Variants in TAFA1 observed in about 807,000 individuals in gnomAD.
The protein encoded by TAFA1 is chemokine-like protein TAFA-1.
Under a neutral mutation model 18.5 loss-of-function variants are expected in TAFA1, and 4 were observed. The observed-to-expected ratio is 0.22, with a 90% confidence interval of 0.11 to 0.49. The LOEUF is 0.49. Ranked by LOEUF, TAFA1 falls within the 20% of genes least tolerant of loss-of-function variation. The pLI, the probability that TAFA1 is intolerant of heterozygous loss-of-function variation, is 0.98. For synonymous variants in TAFA1, 56 were observed against 55.2 expected (o/e 1.01, Z -0.06); for missense variants, 147 against 169.0 (o/e 0.87, Z 0.72).
rs753706705 is a variant in TAFA1 at position 68,006,612 on chromosome 3, T to A, written c.-3-12T>A. Reference sequence around the variant, plus strand: ...GCCGGAGGTAACCTTTCCTGTCGAATGTTCTCTTTAGAGAATGGCAATGGT... The same window carrying A: ...GCCGGAGGTAACCTTTCCTGTCGAAAGTTCTCTTTAGAGAATGGCAATGGT... On this transcript the variant is annotated splice_polypyrimidine_tract_variant and intron_variant, in intron 1 of 4. Coordinates refer to ENST00000478136, the MANE Select transcript of TAFA1 (RefSeq NM_213609.4). The A allele has an allele frequency of 6.3e-7, 1 of 1,594,148 alleles. No homozygotes were observed. Among genetic ancestry groups the A allele is most frequent in the Non-Finnish European group, 8.6e-7 (1 of 1,161,838 alleles).
intron 3 of TAFA1, among the ~76,000 whole-genome samples, chr3:68,482,616 G>GATTTTCCTCAAGAA (rs2072259408): frequency 6.6e-6 from 1 of 152,122 alleles, no homozygotes; most frequent in Admixed American, 6.6e-5. Flanking sequence ...TACTTCTCCT[G>GATTTTCCTCAAGAA]GTTTAAAAGT....
chr3:68,441,763 T>A (rs2071386700), intron 3 of TAFA1, among the ~76,000 whole-genome samples: 1 of 152,120 alleles, frequency 6.6e-6, no homozygotes, highest in South Asian at 2.1e-4. Context: ...CTATGATCAG[T>A]TGACAGAGGA....
chr3:68,376,008 T>C (rs554238186), intron 2 of TAFA1, among the ~76,000 whole-genome samples: 27 of 152,314 alleles, frequency 1.8e-4, no homozygotes, highest in Admixed American at 6.5e-4. Context: ...ATGTTTTTCA[T>C]TGACCATCTA....
At chr3:68,197,821 A>G (rs1457160922) in intron 2 of TAFA1, among the ~76,000 whole-genome samples, 1 of 151,752 alleles carries the variant, frequency 6.6e-6, no homozygotes, top group Admixed American at 6.6e-5. Flanking sequence ...TGTGAGGTAT[A>G]TAGTGTTATT....
chr3:68,009,510 A>C (rs1559700276), intron 2 of TAFA1, among the ~76,000 whole-genome samples: 2 of 152,190 alleles, frequency 1.3e-5, no homozygotes, highest in Non-Finnish European at 2.9e-5. Context: ...ACTGAAACCA[A>C]TTTTGACCCC....
At chr3:68,265,662 C>G (rs2067527474) in intron 2 of TAFA1, among the ~76,000 whole-genome samples, 2 of 152,146 alleles carry the variant, frequency 1.3e-5, no homozygotes, top group Admixed American at 6.6e-5. Context: ...AAAAGCATGG[C>G]CTTACAGCTG....
At chr3:68,490,130 T>TA (rs748208029) in intron 3 of TAFA1, among the ~76,000 whole-genome samples, 16 of 152,346 alleles carry the variant, frequency 1.1e-4, no homozygotes, top group Non-Finnish European at 2.2e-4. Flanking sequence ...TTCCAATACT[T>TA]ATGGACTTTT....
chr3:68,448,335 GAC>G (rs1467998407), intron 3 of TAFA1, among the ~76,000 whole-genome samples: 2 of 152,162 alleles, frequency 1.3e-5, no homozygotes, highest in Non-Finnish European at 2.9e-5. Context: ...AAATTTGTGA[GAC>G]AGTAATATGC....
chr3:68,139,658 C>A (rs946702014), intron 2 of TAFA1, among the ~76,000 whole-genome samples: 1 of 152,070 alleles, frequency 6.6e-6, no homozygotes. Context: ...ACTTGAATAC[C>A]CTAAGGGCAT....
rs1437201424 is a variant in TAFA1 at position 68,305,414 on chromosome 3, T to TG, written c.119-111866_119-111865insG. ...GACTATATATGACTATATGACTATA[T>TG]ATATATATATATATATATATATATA... On this transcript the variant is annotated intron_variant, in intron 2 of 4. Coordinates refer to ENST00000478136, the MANE Select transcript of TAFA1 (RefSeq NM_213609.4). Among the ~76,000 whole-genome samples, 78 of 19,896 alleles carry TG rather than the reference T, an allele frequency of 3.9e-3. 1 individual carries two copies. The highest frequency in any genetic ancestry group is 9.9e-3 in the South Asian group (8 of 812). The allele number at this position is 19,896 out of a possible 152,430, so 13.1% of individuals were successfully genotyped here. A position where few individuals can be genotyped will look rare whatever the true frequency, so the allele number is the denominator to read the frequency against.
chr3:68,444,790 AT>A (rs2071447375), intron 3 of TAFA1, among the ~76,000 whole-genome samples: 3 of 121,100 alleles, frequency 2.5e-5, no homozygotes, highest in Non-Finnish European at 5.3e-5. Flanking sequence ...ATATATATAT[AT>A]ATATATATAT....
At chr3:68,493,030 T>C (rs1307202446) in intron 3 of TAFA1, among the ~76,000 whole-genome samples, 1 of 152,170 alleles carries the variant, frequency 6.6e-6, no homozygotes, top group Non-Finnish European at 1.5e-5. Context: ...TCTTAGCCAT[T>C]TTTAAGTGTA....
intron 2 of TAFA1, 141 bp from the exon 3 acceptor site, chr3:68,417,139 A>T: frequency 1.5e-6 from 1 of 646,868 alleles, no homozygotes; most frequent in Non-Finnish European, 2.7e-6. Context: ...AGTAGAAGAG[A>T]GTCCTGTTGT....
chr3:68,475,013 T>C (rs1336568031), intron 3 of TAFA1, among the ~76,000 whole-genome samples: 1 of 152,132 alleles, frequency 6.6e-6, no homozygotes, highest in East Asian at 1.9e-4. Flanking sequence ...TACTTCTTTA[T>C]CAAAGAAGCT....
At chr3:68,518,533 G>A (rs1361160330) in intron 3 of TAFA1, among the ~76,000 whole-genome samples, 1 of 152,138 alleles carries the variant, frequency 6.6e-6, no homozygotes, top group East Asian at 1.9e-4. Context: ...AATTGCATCT[G>A]GATGAGGGCA....
intron 2 of TAFA1, among the ~76,000 whole-genome samples, chr3:68,335,251 G>A (rs1016856826): frequency 1.3e-5 from 2 of 152,106 alleles, no homozygotes; most frequent in African/African-American, 2.4e-5. Flanking sequence ...TATCACCAAC[G>A]CTTTTATTTA....
intron 2 of TAFA1, among the ~76,000 whole-genome samples, chr3:68,264,677 A>G (rs541908810): frequency 6.7e-6 from 1 of 148,734 alleles, no homozygotes; most frequent in South Asian, 2.1e-4. Context: ...GAAAGTCTTT[A>G]TCAATGAAAG....
intron 2 of TAFA1, among the ~76,000 whole-genome samples, chr3:68,156,409 C>T (rs1485961575): frequency 6.6e-6 from 1 of 152,122 alleles, no homozygotes; most frequent in East Asian, 1.9e-4. Flanking sequence ...TCTTGTTTGT[C>T]TGCTTGGTTG....
chr3:68,159,650 A>G (rs551865221), intron 2 of TAFA1, among the ~76,000 whole-genome samples: 2 of 152,186 alleles, frequency 1.3e-5, no homozygotes, highest in African/African-American at 2.4e-5. Flanking sequence ...CCAGAACAGA[A>G]CTCTCAACCA....
Sources: allele counts gnomAD v4.1 joint callset (sites outside exome capture counted in the v4.1 genomes callset), GRCh38; gene constraint gnomAD v4.1.1; transcripts MANE v1.5; gene names NCBI Gene and HGNC (gene_info 2026-07-23, HGNC 2026-07-21).